Variants in CASP10 observed in about 807,000 individuals in gnomAD.
The protein encoded by CASP10 is caspase-10.
CASP10 carries 41 observed loss-of-function variants against 48.5 expected under a neutral mutation model. That is an observed-to-expected ratio of 0.85 (90% CI 0.66 to 1.10). CASP10 has a LOEUF of 1.10. Among genes scored for constraint, CASP10 ranks in the 50% least tolerant of loss-of-function variants. The pLI is 0.00. For missense variants in CASP10, 614 were observed against 614.5 expected (o/e 1.00, Z 0.01); for synonymous variants, 232 against 238.4 (o/e 0.97, Z 0.25).
chr2:201,205,678 G>T (rs1288456053), intron 6 of CASP10, among the ~76,000 whole-genome samples: 1 of 152,146 alleles, frequency 6.6e-6, no homozygotes. Context: ...ATCCCTGCCA[G>T]CAGCATAGTT....
At chr2:201,183,868 A>ACC (rs1207373014) in intron 1 of CASP10, among the ~76,000 whole-genome samples, 1 of 138,312 alleles carries the variant, frequency 7.2e-6, no homozygotes, top group African/African-American at 2.8e-5. Flanking sequence ...TTATTTATTT[A>ACC]TTTATTTATT....
At chr2:201,216,986 G>A (rs1945591189) in intron 9 of CASP10, among the ~76,000 whole-genome samples, 1 of 152,132 alleles carries the variant, frequency 6.6e-6, no homozygotes, top group Non-Finnish European at 1.5e-5. Context: ...CTCTGAACTT[G>A]CAGTGGAACC....
intron 3 of CASP10, among the ~76,000 whole-genome samples, chr2:201,190,174 A>C (rs934263924): frequency 2.0e-5 from 3 of 152,054 alleles, no homozygotes; most frequent in African/African-American, 7.2e-5. Context: ...CATTTCTCCC[A>C]AAAATCCTGA....
At chr2:201,200,200 T>G (rs1001587438) in intron 5 of CASP10, among the ~76,000 whole-genome samples, 5 of 152,184 alleles carry the variant, frequency 3.3e-5, no homozygotes, top group South Asian at 2.1e-4. Flanking sequence ...TTTTATATAG[T>G]TACTATTTTT....
In CASP10 at chr2:201,205,981, T is replaced by A; in HGVS notation, c.813+8T>A. 4 of 1,590,078 alleles carry A rather than the reference T, an allele frequency of 2.5e-6. No individual in the cohort carries two copies. The South Asian group carries it at 4.4e-5, about 18-fold the overall frequency. On this transcript the variant is annotated splice_region_variant and intron_variant, in intron 7 of 9. Coordinates refer to ENST00000286186, the MANE Select transcript of CASP10 (RefSeq NM_032977.4). ...TCTGAAACCAGCACAAAGGTCTGGA[T>A]GGTTTCTTTTATTCCTTTTTTAATA...
exon 10 of CASP10, chr2:201,229,145 C>T (rs1032048944): frequency 5.6e-6 from 9 of 1,606,478 alleles, no homozygotes; most frequent in African/African-American, 2.7e-5. Context: ...TGACAACGCC[C>T]TACAGCAAGA....
chr2:201,209,053 TTTTTG>T lies in CASP10; in HGVS notation c.923-12_923-8del. On this transcript the variant is annotated splice_polypyrimidine_tract_variant and intron_variant, in intron 8 of 9. Transcript: ENST00000286186. ...TCTCTCTCTCTCTCTTTTTTTTTTT[TTTTTG>T]TTTTTAAACAGAGATCCTGAGTCAT... is the stretch of plus-strand genomic sequence containing the variant. 1 of 1,603,526 alleles carries T rather than the reference TTTTTG, an allele frequency of 6.2e-7. No individual in the cohort carries two copies. Among genetic ancestry groups the T allele is most frequent in the Non-Finnish European group, 8.5e-7 (1 of 1,176,202 alleles).
chr2:201,210,990 T>A (rs553781504), intron 9 of CASP10, among the ~76,000 whole-genome samples: 1 of 152,314 alleles, frequency 6.6e-6, no homozygotes, highest in East Asian at 1.9e-4. Context: ...TATTTCAGGG[T>A]TATAATTTGA....
intron 5 of CASP10, among the ~76,000 whole-genome samples, chr2:201,198,168 T>A (rs1228336470): frequency 6.6e-6 from 1 of 152,200 alleles, no homozygotes; most frequent in East Asian, 1.9e-4. Context: ...GAAATGTCTG[T>A]CCAAGTCCTT....
chr2:201,228,978 G>T (rs1311516852), exon 10 of CASP10: 1 of 1,614,172 alleles, frequency 6.2e-7, no homozygotes, highest in African/African-American at 1.3e-5. Context: ...GGGGCAGGAA[G>T]AGAACAGTGT....
In CASP10 at chr2:201,185,963, T is replaced by C. The variant is rs1002649181; in HGVS notation, c.186T>C (p.Phe62=). 5.6e-6 allele frequency: 9 copies of C among 1,613,954 alleles called. No homozygotes were observed. In the African/African-American group the frequency reaches 9.3e-5, roughly 17 times the overall value. ...LEKSSSASDV[F]EHLLAEDLLS... is the part of the protein sequence containing the mutation. ...AGTCCAGCTCAGCCTCAGATGTTTT[T>C]GAACATCTCTTGGCAGAGGATCTGC... The change falls in exon 2 of 10, where the codon TTT becomes TTC. Residue 62 remains phenylalanine, a synonymous_variant. Transcript: ENST00000286186.
In CASP10 at chr2:201,217,658, A is replaced by T; in HGVS notation, c.1486A>T (p.Thr496Ser). The part of the protein sequence containing the change: ...DVSRRVDKQG[T>S]KKQMPQPAFT... ...GAGTCGAAGAGTGGACAAACAGGGA[A>T]CAAAGAAACAGATGCCCCAGCCTGC... The change falls in exon 10 of 10, where the codon ACA becomes TCA. Residue 496 changes from threonine to serine, a missense_variant. Physicochemically the swap from Thr to Ser is moderately conservative, Grantham distance 58 (BLOSUM62 1). Transcript: ENST00000286186. 6.2e-7 allele frequency: 1 copy of T among 1,614,220 alleles called. No individual in the cohort carries two copies. Among genetic ancestry groups the T allele is most frequent in the Non-Finnish European group, 8.5e-7 (1 of 1,180,026 alleles).
rs763446704 is a variant in CASP10 at position 201,209,062 on chromosome 2, T to C, written c.923-8T>C. On this transcript the variant is annotated splice_region_variant and splice_polypyrimidine_tract_variant and intron_variant, in intron 8 of 9. Transcript: ENST00000286186. Reference sequence around the variant, plus strand: ...CTCTCTTTTTTTTTTTTTTTTGTTTTTAAACAGAGATCCTGAGTCATGTGT... The same window carrying C: ...CTCTCTTTTTTTTTTTTTTTTGTTTCTAAACAGAGATCCTGAGTCATGTGT... 71 of 1,607,036 alleles carry C rather than the reference T, an allele frequency of 4.4e-5. No homozygotes were observed. The highest frequency in any genetic ancestry group is 1.7e-4 in the Middle Eastern group (1 of 5,956).
intron 2 of CASP10, among the ~76,000 whole-genome samples, chr2:201,186,571 T>C (rs1292823773): frequency 6.6e-6 from 1 of 152,232 alleles, no homozygotes; most frequent in Non-Finnish European, 1.5e-5. Context: ...GGATGTCATT[T>C]ATGCCATGTC....
In CASP10 at chr2:201,205,973, G is replaced by A; in HGVS notation, c.813G>A (p.Lys271=). Residue 271 remains lysine, a splice_region_variant and synonymous_variant, in exon 7 of 10, where the codon AAG becomes AAA. Coordinates refer to ENST00000286186, the MANE Select transcript of CASP10 (RefSeq NM_032977.4). ...ANTLNSETST[K]RAAVYRMNRN... is the part of the protein sequence containing the mutation. ...CTCTAAACTCTGAAACCAGCACAAA[G>A]GTCTGGATGGTTTCTTTTATTCCTT... The A allele has an allele frequency of 1.3e-6, 2 of 1,598,202 alleles. No individual in the cohort carries two copies. The highest frequency in any genetic ancestry group is 1.7e-5 in the Admixed American group (1 of 59,854).
At chr2:201,211,694 C>T (rs545981473) in intron 9 of CASP10, among the ~76,000 whole-genome samples, 80 of 152,072 alleles carry the variant, frequency 5.3e-4, no homozygotes, top group Non-Finnish European at 6.5e-4. Context: ...GTGCAGATAT[C>T]TCTCTGACAT....
chr2:201,207,979 C>A, intron 7 of CASP10, 96 bp from the exon 8 acceptor site: 1 of 816,772 alleles, frequency 1.2e-6, no homozygotes, highest in Non-Finnish European at 2.2e-6. Flanking sequence ...ATACATCCTG[C>A]TCTTCCTCAC....
chr2:201,226,507 C>T (rs1945789461), downstream of CASP10, among the ~76,000 whole-genome samples: 2 of 152,104 alleles, frequency 1.3e-5, no homozygotes, highest in South Asian at 4.1e-4. Flanking sequence ...GAGACAGGGT[C>T]TTGTTATGTT....
chr2:201,205,921 G>A lies in CASP10; in HGVS notation c.761G>A (p.Arg254Lys), dbSNP rs1945186580. The change falls in exon 7 of 10, where the codon AGG becomes AAG. Residue 254 changes from arginine (R) to lysine (K), a missense_variant. Transcript: ENST00000286186. ...ATNGAPSLVS[R>K]GMQGASANTL... is the part of the protein sequence containing the mutation. ...AATGGTGCACCAAGCCTGGTCTCCA[G>A]GGGGATGCAAGGAGCATCTGCTAAC... 1 of 1,613,216 alleles carries A rather than the reference G, an allele frequency of 6.2e-7. No homozygotes were observed.
Sources: gnomAD v4.1 joint callset for allele counts (sites outside exome capture counted in the v4.1 genomes callset) on GRCh38, gnomAD v4.1.1 for gene constraint, MANE v1.5 for transcripts, NCBI Gene and HGNC (gene_info 2026-07-23, HGNC 2026-07-21) for gene names.